OTOGL: variants seen among roughly 807,000 people sequenced by gnomAD.
The protein encoded by OTOGL is otogelin like, also known as otogelin-like protein.
Under a neutral mutation model 318.5 loss-of-function variants are expected in OTOGL, and 285 were observed. That is an observed-to-expected ratio of 0.89 (90% CI 0.81 to 0.99). OTOGL has a LOEUF of 0.99. Ranked by LOEUF, OTOGL falls within the 50% of genes least tolerant of loss-of-function variation. The pLI is 0.00. For missense variants in OTOGL, 2,899 were observed against 2,845.6 expected (o/e 1.02, Z -0.43); for synonymous variants, 987 against 936.5 (o/e 1.05, Z -0.99).
intron 35 of OTOGL, 81 bp from the exon 36 acceptor site, chr12:80,328,584 T>G (rs868771420): frequency 9.7e-6 from 10 of 1,028,470 alleles, no homozygotes; most frequent in South Asian, 5.8e-5. Context: ...TATATCTTAG[T>G]CGCATATGTT....
chr12:80,186,613 C>T (rs955226586), intron 1 of OTOGL, among the ~76,000 whole-genome samples: 3 of 152,092 alleles, frequency 2.0e-5, no homozygotes, highest in Non-Finnish European at 4.4e-5. Context: ...CGATCTCATC[C>T]ATTCTTTATT....
At chr12:80,102,823 C>T (rs528189548) in intron 1 of OTOGL, 65 of 649,464 alleles carry the variant, frequency 1.0e-4, no homozygotes, top group Non-Finnish European at 1.7e-4. Flanking sequence ...TCTTTACTCT[C>T]GGAGCTCTAG....
chr12:80,185,900 T>C (rs1489227249), intron 1 of OTOGL, among the ~76,000 whole-genome samples: 2 of 152,112 alleles, frequency 1.3e-5, no homozygotes, highest in Non-Finnish European at 2.9e-5. Flanking sequence ...CTACATAAGA[T>C]ACAAATATAA....
intron 44 of OTOGL, among the ~76,000 whole-genome samples, chr12:80,351,164 C>A (rs896525594): frequency 1.3e-5 from 2 of 152,172 alleles, no homozygotes; most frequent in African/African-American, 4.8e-5. Context: ...AGATACTTTT[C>A]TTTCCCCATT....
intron 29 of OTOGL, among the ~76,000 whole-genome samples, chr12:80,307,441 C>T (rs1241411754): frequency 7.6e-6 from 1 of 131,274 alleles, no homozygotes; most frequent in African/African-American, 2.7e-5. Flanking sequence ...GGGGGGCTGA[C>T]CCCCCCCACC....
intron 49 of OTOGL, among the ~76,000 whole-genome samples, chr12:80,357,627 A>G (rs532667890): frequency 7.9e-5 from 12 of 152,170 alleles, no homozygotes; most frequent in Non-Finnish European, 1.8e-4. Context: ...GAAGAAGAGA[A>G]ACCAGCTGTT....
At chr12:80,256,250 C>G (rs957045342) in intron 16 of OTOGL, 87 bp from the exon 17 acceptor site, 5 of 1,408,134 alleles carry the variant, frequency 3.6e-6, no homozygotes, top group Non-Finnish European at 4.8e-6. Flanking sequence ...CTCCCCTTCT[C>G]CCTTTCTCCC....
intron 29 of OTOGL, among the ~76,000 whole-genome samples, chr12:80,308,643 C>T (rs1340256927): frequency 7.2e-5 from 11 of 152,244 alleles, no homozygotes; most frequent in Non-Finnish European, 7.4e-5. Context: ...TGTAGCGAGC[C>T]GAGATCAGGC....
intron 29 of OTOGL, among the ~76,000 whole-genome samples, chr12:80,308,136 G>T: frequency 6.7e-6 from 1 of 149,576 alleles, no homozygotes. Context: ...CGGCTGGCCG[G>T]GCGGGGGGCT....
rs530094790 is a variant in OTOGL, at chr12:80,281,857, A to G, written c.2928+2691A>G. On this transcript the variant is annotated intron_variant, in intron 26 of 58. Coordinates refer to ENST00000547103, the MANE Select transcript of OTOGL (RefSeq NM_001378609.3). Reference sequence around the variant, plus strand: ...AAGGCTTAGATAGTATTTGATATAAAGTGAGAGTTCAATAAATGTTAGCCA... The same window carrying G: ...AAGGCTTAGATAGTATTTGATATAAGGTGAGAGTTCAATAAATGTTAGCCA... 1.3e-5 allele frequency among the ~76,000 whole-genome samples: 2 copies of G among 151,914 alleles called. 1 individual carries two copies. The highest frequency in any genetic ancestry group is 3.9e-4 in the East Asian group (2 of 5,180).
At chr12:80,367,412 C>A in intron 53 of OTOGL, 149 bp from the exon 54 acceptor site, 2 of 524,170 alleles carry the variant, frequency 3.8e-6, no homozygotes, top group Admixed American at 3.9e-5. Context: ...AATATTGGGC[C>A]ATTAAAATAC....
intron 1 of OTOGL, among the ~76,000 whole-genome samples, chr12:80,127,420 C>T (rs1421217106): frequency 6.6e-6 from 1 of 152,242 alleles, no homozygotes; most frequent in Non-Finnish European, 1.5e-5. Flanking sequence ...CGCTGTTAGT[C>T]TGATGGGCTT....
intron 1 of OTOGL, among the ~76,000 whole-genome samples, chr12:80,150,915 A>G (rs1471384664): frequency 6.6e-6 from 1 of 152,216 alleles, no homozygotes; most frequent in African/African-American, 2.4e-5. Flanking sequence ...TAGTTTAAAT[A>G]AATTACAATG....
intron 44 of OTOGL, among the ~76,000 whole-genome samples, chr12:80,342,801 C>T (rs924761914): frequency 1.8e-4 from 28 of 152,198 alleles, no homozygotes; most frequent in African/African-American, 5.8e-4. Flanking sequence ...GGGAAGTCTG[C>T]GAGCAGATAC....
chr12:80,343,561 G>C (rs1356297429), intron 44 of OTOGL: 1 of 14,610 alleles, frequency 6.8e-5, no homozygotes, highest in Non-Finnish European at 1.3e-4. Context: ...GAATATTTTT[G>C]AGAGCTTCTT....
At chr12:80,253,795 C>T (rs1253565938) in intron 14 of OTOGL, among the ~76,000 whole-genome samples, 1 of 152,048 alleles carries the variant, frequency 6.6e-6, no homozygotes, top group Non-Finnish European at 1.5e-5. Context: ...CATCTTATAT[C>T]CACATAATGA....
intron 26 of OTOGL, among the ~76,000 whole-genome samples, chr12:80,287,437 A>C (rs1211277998): frequency 6.6e-6 from 1 of 151,686 alleles, no homozygotes; most frequent in African/African-American, 2.4e-5. Flanking sequence ...GCTGAGTTCC[A>C]GTCCTGAATA....
chr12:80,218,725 T>C (rs1392007457), intron 5 of OTOGL, among the ~76,000 whole-genome samples: 1 of 151,832 alleles, frequency 6.6e-6, no homozygotes, highest in Non-Finnish European at 1.5e-5. Context: ...ATATTTTTGG[T>C]GACAGCAGTG....
At chr12:80,270,182 A>G (rs1883303052) in intron 23 of OTOGL, 28 bp downstream of exon 23, 2 of 1,558,588 alleles carry the variant, frequency 1.3e-6, no homozygotes, top group African/African-American at 2.7e-5. Context: ...GTTTTCCTGA[A>G]TGAGGGTTCA....
Sources: allele counts gnomAD v4.1 joint callset (sites outside exome capture counted in the v4.1 genomes callset), GRCh38; gene constraint gnomAD v4.1.1; transcripts MANE v1.5; gene names NCBI Gene and HGNC (gene_info 2026-07-23, HGNC 2026-07-21).